The following SCP2 variants were observed in gnomAD, a reference collection of about 807,000 sequenced individuals.
The protein encoded by SCP2 is SCP-2/3-oxoacyl-CoA thiolase.
In SCP2, 48 loss-of-function variants were observed where a neutral mutation model predicts 71.4. The ratio of observed to expected loss-of-function variants is 0.67; its 90% CI spans 0.53 to 0.86. The LOEUF (loss-of-function observed/expected upper bound fraction) is 0.86. Among genes scored for constraint, SCP2 ranks in the 40% least tolerant of loss-of-function variants. The pLI, the probability that SCP2 is intolerant of heterozygous loss-of-function variation, is 0.00. For synonymous variants in SCP2, 220 were observed against 218.1 expected (o/e 1.01, Z -0.08); for missense variants, 560 against 655.6 (o/e 0.85, Z 1.59).
intron 10 of SCP2, among the ~76,000 whole-genome samples, chr1:52,987,209 C>T (rs1398809120): frequency 6.6e-6 from 1 of 151,824 alleles, no homozygotes; most frequent in Non-Finnish European, 1.5e-5. Context: ...TGGTGCCCTG[C>T]CTCTTCTGAA....
intron 4 of SCP2, among the ~76,000 whole-genome samples, chr1:52,952,750 G>A (rs1655430932): frequency 6.6e-6 from 1 of 152,094 alleles, no homozygotes; most frequent in Admixed American, 6.6e-5. Flanking sequence ...CTGGGCAACA[G>A]AGCAAGACAC....
At chr1:52,962,312 C>G (rs1656541756) in intron 6 of SCP2, among the ~76,000 whole-genome samples, 1 of 152,166 alleles carries the variant, frequency 6.6e-6, no homozygotes, top group Non-Finnish European at 1.5e-5. Flanking sequence ...TATTCTCAGT[C>G]TATCCATTTC....
chr1:53,027,987 A>G lies in SCP2; in HGVS notation c.1254A>G (p.Gln418=). Residue 418 remains glutamine (Q), a synonymous_variant, in exon 13 of 16, where the codon CAA becomes CAG. Coordinates refer to ENST00000371514, the MANE Select transcript of SCP2 (RefSeq NM_002979.5). ...TCCCCAGTTCTTTTAGAACTCATCA[A>G]ATTGAAGCTGTTCCAACCAGCTCTG... is the stretch of plus-strand genomic sequence containing the variant. ...PEAASSFRTH[Q]IEAVPTSSAS... 4 of 1,606,106 alleles carry G rather than the reference A, an allele frequency of 2.5e-6. No homozygotes were observed. Among genetic ancestry groups the G allele is most frequent in the Non-Finnish European group, 3.4e-6 (4 of 1,172,928 alleles).
At chr1:52,961,711 T>A in intron 6 of SCP2, 82 bp downstream of exon 6, 1 of 1,219,360 alleles carries the variant, frequency 8.2e-7, no homozygotes, top group Non-Finnish European at 1.2e-6. Flanking sequence ...ATTAAGGAAC[T>A]GTGGAGGATG....
chr1:52,984,836 T>C (rs1464182321), intron 10 of SCP2, among the ~76,000 whole-genome samples: 1 of 113,318 alleles, frequency 8.8e-6, no homozygotes, highest in Non-Finnish European at 1.6e-5. Flanking sequence ...CACACCCAGC[T>C]TTTCTTCTTT....
intron 5 of SCP2, among the ~76,000 whole-genome samples, chr1:52,956,725 G>A (rs1307936668): frequency 1.3e-5 from 2 of 152,002 alleles, no homozygotes; most frequent in Non-Finnish European, 1.5e-5. Flanking sequence ...ATAAGGTTGT[G>A]TAAGTGAATA....
At chr1:52,979,849 G>A (rs907678266) in intron 9 of SCP2, among the ~76,000 whole-genome samples, 28 of 151,890 alleles carry the variant, frequency 1.8e-4, no homozygotes, top group Non-Finnish European at 3.2e-4. Context: ...ATTTTATTTA[G>A]ACTTTCTGTG....
chr1:52,958,153 C>T (rs1476297321), intron 5 of SCP2, among the ~76,000 whole-genome samples: 1 of 151,444 alleles, frequency 6.6e-6, no homozygotes, highest in Non-Finnish European at 1.5e-5. Context: ...TTGTCAATAC[C>T]ACACTGTCTT....
intron 13 of SCP2, among the ~76,000 whole-genome samples, chr1:53,036,387 T>C (rs1408466001): frequency 6.7e-6 from 1 of 150,226 alleles, no homozygotes; most frequent in Non-Finnish European, 1.5e-5. Flanking sequence ...TAAATATTTT[T>C]ACAGAGCCTC....
chr1:52,992,263 T>C (rs976463080), intron 11 of SCP2, among the ~76,000 whole-genome samples: 5 of 151,850 alleles, frequency 3.3e-5, no homozygotes, highest in African/African-American at 1.2e-4. Context: ...AGGTATGCTA[T>C]GAAAGCGTAT....
intron 14 of SCP2, among the ~76,000 whole-genome samples, chr1:53,041,760 G>A (rs1663454826): frequency 6.6e-6 from 1 of 152,182 alleles, no homozygotes; most frequent in Admixed American, 6.5e-5. Flanking sequence ...TATCAAAGAT[G>A]GTGAAATTTC....
In SCP2 at chr1:52,982,129, A is replaced by G. The variant is rs534583601; in HGVS notation, c.973+1586A>G. Reference sequence around the variant, plus strand: ...TTGGCACTATTGACATTTGAGCTCTATCATTCTTGTGATACAGCTTGTGCA... The same window carrying G: ...TTGGCACTATTGACATTTGAGCTCTGTCATTCTTGTGATACAGCTTGTGCA... On this transcript the variant is annotated intron_variant, in intron 10 of 15. Transcript: ENST00000371514. 2.2e-4 allele frequency among the ~76,000 whole-genome samples: 34 copies of G among 152,162 alleles called. No homozygotes were observed. The South Asian group carries it at 5.8e-3, about 26-fold the overall frequency.
In SCP2 at chr1:52,927,346, A is replaced by G; in HGVS notation, c.-51A>G. On this transcript the variant is annotated 5_prime_UTR_variant, in exon 1 of 16. Transcript: ENST00000371514. ...AGCTCTGGTGCAGTCTCCGCCTGTC[A>G]GTGCCGGCAGTCGTCCGCGGCGCCC... The G allele has an allele frequency of 1.4e-6, 2 of 1,457,160 alleles. No individual in the cohort carries two copies. Among genetic ancestry groups the G allele is most frequent in the Non-Finnish European group, 1.9e-6 (2 of 1,062,920 alleles). 90.3% of individuals were successfully genotyped at this position (1,457,160 alleles called of 1,614,324 possible). A position where few individuals can be genotyped will look rare whatever the true frequency, so the allele number is the denominator to read the frequency against.
chr1:52,989,116 A>G (rs1377675656), intron 11 of SCP2, among the ~76,000 whole-genome samples: 1 of 152,196 alleles, frequency 6.6e-6, no homozygotes, highest in African/African-American at 2.4e-5. Flanking sequence ...TTGTTTCCAT[A>G]CACTTATTCC....
intron 13 of SCP2, among the ~76,000 whole-genome samples, chr1:53,031,530 A>G (rs1424493247): frequency 6.6e-6 from 1 of 152,074 alleles, no homozygotes; most frequent in East Asian, 1.9e-4. Context: ...TTCTGTCTTA[A>G]TTTTTTGTCC....
chr1:53,044,306 C>T (rs1368016192), intron 14 of SCP2, among the ~76,000 whole-genome samples: 1 of 152,196 alleles, frequency 6.6e-6, no homozygotes. Context: ...GATCCGCCCA[C>T]CTCAGCCTCC....
intron 1 of SCP2, among the ~76,000 whole-genome samples, chr1:52,930,388 G>T (rs1653034402): frequency 6.6e-6 from 1 of 152,096 alleles, no homozygotes; most frequent in African/African-American, 2.4e-5. Context: ...ACTTTAGGAG[G>T]CTGAGGTGGG....
rs1664164202 is a variant in SCP2 at position 53,050,953 on chromosome 1, G to A, written c.*249G>A. The A allele has an allele frequency of 9.9e-6, 3 of 304,212 alleles. No individual in the cohort carries two copies. The highest frequency in any genetic ancestry group is 5.7e-5 in the South Asian group (1 of 17,626). 18.8% of individuals were successfully genotyped at this position (304,212 alleles called of 1,614,324 possible). A position where few individuals can be genotyped will look rare whatever the true frequency, so the allele number is the denominator to read the frequency against. On this transcript the variant is annotated 3_prime_UTR_variant, in exon 16 of 16. Coordinates refer to ENST00000371514, the MANE Select transcript of SCP2 (RefSeq NM_002979.5). ...AGTTAATATGGTAATTATGGTCTGG[G>A]GTAAAATTGAGTTTCAGAATAAAAT... is the stretch of plus-strand genomic sequence containing the variant.
At chr1:52,993,199 GA>G (rs1407649032) in intron 11 of SCP2, 4 of 1,614,070 alleles carry the variant, frequency 2.5e-6, no homozygotes, top group Non-Finnish European at 2.5e-6. Context: ...AGGGATTCTA[GA>G]AAATGACACA....
Sources: allele counts gnomAD v4.1 joint callset (sites outside exome capture counted in the v4.1 genomes callset), GRCh38; gene constraint gnomAD v4.1.1; transcripts MANE v1.5; gene names NCBI Gene and HGNC (gene_info 2026-07-23, HGNC 2026-07-21).